Variants in SETD5 observed in about 807,000 individuals in gnomAD.
SETD5 encodes histone-lysine N-methyltransferase SETD5.
A neutral mutation model predicts 153.3 loss-of-function variants in SETD5; 44 were observed. The observed-to-expected ratio is 0.29, with a 90% CI of 0.23 to 0.37. SETD5 has a LOEUF of 0.37. Ranked by LOEUF, SETD5 falls within the 10% of genes least tolerant of loss-of-function variation. The probability of loss-of-function intolerance (pLI) is 1.00; values close to 1 mark genes in which losing one functional copy is unlikely to be tolerated. For missense variants in SETD5, 1,544 were observed against 1,768.0 expected (o/e 0.87, Z 2.27); for synonymous variants, 716 against 645.2 (o/e 1.11, Z -1.66).
intron 11 of SETD5, among the ~76,000 whole-genome samples, chr3:9,443,663 T>C (rs2041577402): frequency 6.6e-6 from 1 of 152,224 alleles, no homozygotes; most frequent in South Asian, 2.1e-4. Flanking sequence ...TTATGCCTTT[T>C]TAGCAAGAAT....
Position 9,464,770 on chromosome 3 carries a change from T to A in SETD5, c.2724+98T>A, listed in dbSNP as rs17050369. On this transcript the variant is annotated intron_variant, in intron 18 of 22. Coordinates refer to ENST00000402198, the MANE Select transcript of SETD5 (RefSeq NM_001080517.3). ...TACCATTCCAAATGTTTCTTTACTA[T>A]CTTTCTTCCCCATCTCAGTAAGAGA... 2,386 of 1,573,896 alleles carry A rather than the reference T, an allele frequency of 1.5e-3. 24 individuals are homozygous for A. The African/African-American group carries it at 0.028, about 19-fold the overall frequency.
At chr3:9,463,340 A>T (rs1475981850) in intron 17 of SETD5, among the ~76,000 whole-genome samples, 1 of 152,184 alleles carries the variant, frequency 6.6e-6, no homozygotes, top group African/African-American at 2.4e-5. Flanking sequence ...ATTTCTTACA[A>T]ATTTTAAGCC....
At chr3:9,444,435 G>A (rs1002841376) in intron 11 of SETD5, among the ~76,000 whole-genome samples, 9 of 152,106 alleles carry the variant, frequency 5.9e-5, no homozygotes, top group African/African-American at 1.2e-4. Context: ...CATGGTAATC[G>A]TGGGCACAAG....
In SETD5 at chr3:9,434,066, G is replaced by T. The variant is rs2040279762; in HGVS notation, c.177+116G>T. ...GCAGCATGACGAAGTTGCCCCTTTT[G>T]CACTTCCCTGACTCCAGCGGACGTC... On this transcript the variant is annotated intron_variant, in intron 4 of 22. Transcript: ENST00000402198. This position sits in a 1 kb window ranked among gnomAD's most constrained non-coding sequence, Gnocchi z 5.6. 1 of 1,599,170 alleles carries T rather than the reference G, an allele frequency of 6.3e-7. No homozygotes were observed. The highest frequency in any genetic ancestry group is 8.5e-7 in the Non-Finnish European group (1 of 1,174,560).
intron 16 of SETD5, among the ~76,000 whole-genome samples, chr3:9,451,932 C>T (rs1196249088): frequency 6.6e-6 from 1 of 152,144 alleles, no homozygotes; most frequent in Non-Finnish European, 1.5e-5. Flanking sequence ...TAACAACTTG[C>T]TGAGTAGGTG....
chr3:9,432,356 T>C, intron 3 of SETD5: 2 of 898,716 alleles, frequency 2.2e-6, no homozygotes, highest in Non-Finnish European at 2.7e-6. Flanking sequence ...GAATTTTCTT[T>C]GATCCCTCAC....
Position 9,435,756 on chromosome 3 carries a change from G to T in SETD5, c.417G>T (p.Trp139Cys), listed in dbSNP as rs1402324169. ...GGGATAGCAGTGCAACAGAAAGCTG[G>T]GATGAGGAGCTTTCTCCTTCCACTG... ...SGGDSSATES[W>C]DEELSPSTVL... Residue 139 changes from tryptophan to cysteine, a missense_variant, in exon 7 of 23, where the codon TGG becomes TGT. By Grantham distance (215) the Trp-to-Cys change is radical. Around this residue, in one of 9 missense-constraint regions of SETD5, gnomAD observed 251 missense variants for 326.9 expected, o/e 0.77. Transcript: ENST00000402198. 3 of 1,600,332 alleles carry T rather than the reference G, an allele frequency of 1.9e-6. No individual in the cohort carries two copies. In the East Asian group the frequency reaches 6.7e-5, roughly 36 times the overall value.
intron 3 of SETD5, chr3:9,429,729 G>A (rs1575348521): frequency 1.3e-6 from 1 of 748,224 alleles, no homozygotes; most frequent in East Asian, 8.0e-5. Context: ...TTAGTCTTTT[G>A]TATCCCTTCT....
Position 9,470,807 on chromosome 3 carries a change from T to C in SETD5, c.3073T>C (p.Phe1025Leu), listed in dbSNP as rs957016536. The C allele has an allele frequency of 2.5e-6, 4 of 1,613,426 alleles. No homozygotes were observed. The African/African-American group carries it at 5.3e-5, about 22-fold the overall frequency. Residue 1025 changes from phenylalanine (F) to leucine (L), a missense_variant, in exon 19 of 23, where the codon TTT (phenylalanine) becomes CTT (leucine). Physicochemically the swap from Phe to Leu is conservative, Grantham distance 22. Around this residue, in one of 9 missense-constraint regions of SETD5, gnomAD observed 782 missense variants for 787.2 expected, o/e 0.99. Transcript: ENST00000402198. ...GGGATATTGTTCCCCTGCAGAAGGATTTTCCAGCAGATATGAACATGGCTT... is the reference window on the plus strand; with the variant it reads ...GGGATATTGTTCCCCTGCAGAAGGACTTTCCAGCAGATATGAACATGGCTT... ...DGGYCSPAEGFSSRYEHGLMK... is the reference protein window; with the variant it reads ...DGGYCSPAEGLSSRYEHGLMK...
chr3:9,430,175 A>G, intron 3 of SETD5: 1 of 1,012,584 alleles, frequency 9.9e-7, no homozygotes, highest in Non-Finnish European at 1.2e-6. Context: ...CCTGATTAAT[A>G]AGTGGTTTTC....
chr3:9,472,923 A>G (rs1012765663), intron 19 of SETD5, among the ~76,000 whole-genome samples: 5 of 152,178 alleles, frequency 3.3e-5, no homozygotes, highest in African/African-American at 1.2e-4. Flanking sequence ...TTACTGTGTA[A>G]TGGTAACCTC....
chr3:9,462,518 C>T (rs1328658044), intron 17 of SETD5, among the ~76,000 whole-genome samples: 1 of 149,154 alleles, frequency 6.7e-6, no homozygotes, highest in African/African-American at 2.5e-5. Context: ...ACCTGGGAGG[C>T]GGACCTTGCA....
Position 9,453,692 on chromosome 3 carries a change from T to G in SETD5, c.2347-47T>G, listed in dbSNP as rs1040723920. The G allele has an allele frequency of 2.6e-6, 4 of 1,526,276 alleles. No individual in the cohort carries two copies. In the African/African-American group the frequency reaches 5.6e-5, roughly 21 times the overall value. The allele number at this position is 1,526,276 out of a possible 1,614,324, so 94.5% of individuals were successfully genotyped here. A position where few individuals can be genotyped will look rare whatever the true frequency, so the allele number is the denominator to read the frequency against. ...GTACATTTAAAACAGGTGCACTAAATAGTTTTAGATAATTATTGATAATTC... is the reference window on the plus strand; with the variant it reads ...GTACATTTAAAACAGGTGCACTAAAGAGTTTTAGATAATTATTGATAATTC... On this transcript the variant is annotated intron_variant, in intron 16 of 22. Transcript: ENST00000402198.
chr3:9,453,620 CTG>C (rs959940237), intron 16 of SETD5, 117 bp from the exon 17 acceptor site: 72 of 891,648 alleles, frequency 8.1e-5, no homozygotes, highest in Non-Finnish European at 1.0e-4. Context: ...AAATGCTTGA[CTG>C]TGTAACTGAA....
At chr3:9,425,933 G>C (rs1021035368) in intron 2 of SETD5, among the ~76,000 whole-genome samples, 24 of 152,110 alleles carry the variant, frequency 1.6e-4, no homozygotes, top group Admixed American at 5.2e-4. Context: ...GTGATAATCA[G>C]ACTTTCATAT....
At chr3:9,420,474 G>A (rs1212068226) in intron 1 of SETD5, among the ~76,000 whole-genome samples, 1 of 151,974 alleles carries the variant, frequency 6.6e-6, no homozygotes, top group African/African-American at 2.4e-5. Context: ...TTATTGTGCC[G>A]AGCTCAGTAG....
At chr3:9,425,191 A>C (rs573405725) in intron 2 of SETD5, among the ~76,000 whole-genome samples, 2 of 150,246 alleles carry the variant, frequency 1.3e-5, no homozygotes, top group African/African-American at 4.9e-5. Context: ...CCTCCCAAGT[A>C]GCTGGGATTA....
Position 9,409,240 on chromosome 3 carries a change from T to G in SETD5, c.-177+11263T>G, listed in dbSNP as rs139372229. Among the ~76,000 whole-genome samples the G allele has an allele frequency of 1.6e-3, 247 of 152,338 alleles. 1 individual carries two copies. The highest frequency in any genetic ancestry group is 4.1e-3 in the Admixed American group (63 of 15,300). On this transcript the variant is annotated intron_variant, in intron 1 of 22. Transcript: ENST00000402198. The stretch of plus-strand genomic sequence containing the variant: ...AGATGATATTTTCTTACTTCTTCAT[T>G]TATTGTCCGGAATACTCACCCTTAT...
chr3:9,447,119 C>T lies in SETD5; in HGVS notation c.1594C>T (p.Arg532Trp), dbSNP rs1180848018. ...FENLEKRKKR[R>W]DQPLEQSNSD... ...AAACTTAGAGAAAAGAAAGAAGCGG[C>T]GGGATCAGCCCTTGGAACAGAGCAA... Residue 532 changes from arginine to tryptophan, a missense_variant, in exon 14 of 23, where the codon CGG becomes TGG. Physicochemically the swap from Arg to Trp is moderately radical, Grantham distance 101. Coordinates refer to ENST00000402198, the MANE Select transcript of SETD5 (RefSeq NM_001080517.3). 11 of 1,613,732 alleles carry T rather than the reference C, an allele frequency of 6.8e-6. No individual in the cohort carries two copies. Among genetic ancestry groups the T allele is most frequent in the East Asian group, 2.2e-5 (1 of 44,862 alleles).
Sources: gnomAD v4.1 joint callset for allele counts (sites outside exome capture counted in the v4.1 genomes callset) on GRCh38, gnomAD v4.1.1 for gene constraint, gnomAD v4.1.1 regional missense constraint, Gnocchi (gnomAD v3.1) non-coding constraint, MANE v1.5 for transcripts, NCBI Gene and HGNC (gene_info 2026-07-23, HGNC 2026-07-21) for gene names.